UTS2B: variants seen among roughly 807,000 people sequenced by gnomAD.
UTS2B encodes urotensin 2B, also known as urotensin-2B.
UTS2B carries 21 observed loss-of-function variants against 19.2 expected under a neutral mutation model. That is an observed-to-expected ratio of 1.09 (90% confidence interval 0.78 to 1.58). The LOEUF (loss-of-function observed/expected upper bound fraction) is 1.58. UTS2B is among the 40% of genes most tolerant of loss of function. The pLI is 0.00. For synonymous variants in UTS2B, 57 were observed against 50.2 expected (o/e 1.14, Z -0.58); for missense variants, 138 against 130.3 (o/e 1.06, Z -0.29).
intron 4 of UTS2B, among the ~76,000 whole-genome samples, chr3:191,301,768 C>T (rs1717009110): frequency 6.6e-6 from 1 of 152,082 alleles, no homozygotes; most frequent in African/African-American, 2.4e-5. Context: ...GGATTACAGG[C>T]GTGAGCCACC....
In UTS2B at chr3:191,282,126, A is replaced by T. The variant is rs747942074; in HGVS notation, c.64T>A (p.Phe22Ile). The change falls in exon 5 of 9, where the codon TTT (phenylalanine) becomes ATT (isoleucine). Residue 22 changes from phenylalanine (F) to isoleucine (I), a missense_variant. Physicochemically the swap from Phe to Ile is conservative, Grantham distance 21 (BLOSUM62 0). Coordinates refer to ENST00000340524, the MANE Select transcript of UTS2B (RefSeq NM_198152.5). Reference protein sequence around the residue: ...GLLTLLSVLSFLQSVHGRPYL... With the variant: ...GLLTLLSVLSILQSVHGRPYL... ...GGTCGTCCATGCACAGATTGTAAAA[A>T]ACTCAACACGGATAACAAAGTTAGG... The T allele has an allele frequency of 6.2e-6, 10 of 1,613,676 alleles. No individual in the cohort carries two copies. The Admixed American group carries it at 1.5e-4, about 24-fold the overall frequency.
At chr3:191,307,090 A>G (rs1250500051) in intron 3 of UTS2B, among the ~76,000 whole-genome samples, 1 of 152,238 alleles carries the variant, frequency 6.6e-6, no homozygotes, top group Admixed American at 6.5e-5. Flanking sequence ...TTCATAGGCA[A>G]TATGTGAAGA....
chr3:191,284,021 A>G (rs1178541099), intron 4 of UTS2B, among the ~76,000 whole-genome samples: 3 of 152,210 alleles, frequency 2.0e-5, no homozygotes, highest in Non-Finnish European at 4.4e-5. Flanking sequence ...TTGTATAATT[A>G]CAAGTCATAT....
chr3:191,328,478 T>C, intron 2 of UTS2B, 153 bp downstream of exon 2: 1 of 152,314 alleles, frequency 6.6e-6, no homozygotes. Context: ...AAACAGAATA[T>C]GTAACTCTTT....
At chr3:191,299,533 G>T (rs1278244203) in intron 4 of UTS2B, among the ~76,000 whole-genome samples, 1 of 152,280 alleles carries the variant, frequency 6.6e-6, no homozygotes, top group African/African-American at 2.4e-5. Context: ...GGTGCACAGA[G>T]TGCAAGAGTT....
At chr3:191,270,792 A>G (rs1716071257) in intron 8 of UTS2B, among the ~76,000 whole-genome samples, 1 of 152,030 alleles carries the variant, frequency 6.6e-6, no homozygotes, top group African/African-American at 2.4e-5. Flanking sequence ...AGCCCCATAG[A>G]CCCATAGAGA....
intron 2 of UTS2B, among the ~76,000 whole-genome samples, chr3:191,324,443 G>T (rs986257378): frequency 1.3e-5 from 2 of 152,230 alleles, no homozygotes; most frequent in Non-Finnish European, 2.9e-5. Flanking sequence ...CCCACATGTG[G>T]TGGGAGGGAC....
chr3:191,329,451 C>T (rs1317387141), intron 1 of UTS2B: 8 of 463,974 alleles, frequency 1.7e-5, no homozygotes, highest in South Asian at 8.2e-5. Flanking sequence ...AGCAGGTGGC[C>T]GCGGCGGGGC....
intron 3 of UTS2B, among the ~76,000 whole-genome samples, chr3:191,308,438 G>A (rs557260761): frequency 5.9e-5 from 9 of 152,278 alleles, no homozygotes; most frequent in Admixed American, 5.2e-4. Flanking sequence ...ATTCAAAGGG[G>A]TTCACATGCA....
intron 4 of UTS2B, among the ~76,000 whole-genome samples, chr3:191,302,849 C>T (rs1717039994): frequency 6.6e-6 from 1 of 152,138 alleles, no homozygotes; most frequent in South Asian, 2.1e-4. Flanking sequence ...CTTCTCTGTT[C>T]CCCTAGTCTC....
intron 3 of UTS2B, among the ~76,000 whole-genome samples, chr3:191,313,739 T>C (rs1717369089): frequency 6.8e-6 from 1 of 147,696 alleles, no homozygotes; most frequent in African/African-American, 2.5e-5. Context: ...TTTTTTTTTT[T>C]TTTTTTTTTG....
At chr3:191,317,099 C>G (rs1380282738) in intron 2 of UTS2B, among the ~76,000 whole-genome samples, 1 of 152,232 alleles carries the variant, frequency 6.6e-6, no homozygotes, top group Non-Finnish European at 1.5e-5. Context: ...CCGTGCAGAG[C>G]CCATGGGGGT....
chr3:191,286,211 T>A (rs1716539826), intron 4 of UTS2B, among the ~76,000 whole-genome samples: 1 of 152,130 alleles, frequency 6.6e-6, no homozygotes, highest in African/African-American at 2.4e-5. Context: ...TTTTCAACAA[T>A]GAACAGATTG....
At chr3:191,284,543 T>TG (rs1716481486) in intron 4 of UTS2B, among the ~76,000 whole-genome samples, 1 of 150,890 alleles carries the variant, frequency 6.6e-6, no homozygotes, top group Non-Finnish European at 1.5e-5. Flanking sequence ...ACGCTGGTCT[T>TG]GAACTCCTGA....
At chr3:191,320,086 T>C (rs1435082415) in intron 2 of UTS2B, among the ~76,000 whole-genome samples, 1 of 152,042 alleles carries the variant, frequency 6.6e-6, no homozygotes, top group East Asian at 1.9e-4. Flanking sequence ...GTTTCAGTCT[T>C]TGTGGTAGAT....
intron 3 of UTS2B, among the ~76,000 whole-genome samples, chr3:191,312,569 T>C (rs997710343): frequency 6.6e-6 from 1 of 152,176 alleles, no homozygotes. Context: ...TACAAATCAA[T>C]TGCAACAGCC....
At chr3:191,327,261 C>T (rs768379389) in intron 2 of UTS2B, among the ~76,000 whole-genome samples, 25 of 152,170 alleles carry the variant, frequency 1.6e-4, no homozygotes, top group Non-Finnish European at 2.6e-4. Flanking sequence ...TTTGGGAGGC[C>T]GAGGTGGGCG....
chr3:191,311,270 G>A (rs1717294448), intron 3 of UTS2B, among the ~76,000 whole-genome samples: 1 of 152,212 alleles, frequency 6.6e-6, no homozygotes, highest in South Asian at 2.1e-4. Context: ...ATGGTTACAG[G>A]TTTCTGTGGG....
the UTS2B span, among the ~76,000 whole-genome samples, chr3:191,341,722 GA>G: frequency 6.6e-6 from 1 of 150,942 alleles, no homozygotes; most frequent in Admixed American, 6.6e-5. Flanking sequence ...ATTTCTTTCT[GA>G]AAAAAAAATT....
Sources: allele counts gnomAD v4.1 joint callset (sites outside exome capture counted in the v4.1 genomes callset), GRCh38; gene constraint gnomAD v4.1.1; transcripts MANE v1.5; gene names NCBI Gene and HGNC (gene_info 2026-07-23, HGNC 2026-07-21).